Variants in SCFD2 observed in about 807,000 individuals in gnomAD.
SCFD2 encodes the protein sec1 family domain-containing protein 2.
SCFD2 carries 54 observed loss-of-function variants against 58.9 expected under a neutral mutation model. The ratio of observed to expected loss-of-function variants is 0.92; its 90% confidence interval spans 0.74 to 1.15. The LOEUF (loss-of-function observed/expected upper bound fraction) is 1.15, where lower values mean the gene tolerates loss of function less well. Ranked by LOEUF, SCFD2 falls within the 50% of genes most tolerant of loss-of-function variation. The pLI, the probability that SCFD2 is intolerant of heterozygous loss-of-function variation, is 0.00. For synonymous variants in SCFD2, 321 were observed against 335.9 expected, an observed-to-expected ratio of 0.96 and a Z score of 0.49; for missense variants, 805 against 836.6, an observed-to-expected ratio of 0.96 and a Z score of 0.47.
At chr4:53,214,987 G>T (rs1577850973) in intron 4 of SCFD2, among the ~76,000 whole-genome samples, 1 of 151,962 alleles carries the variant, frequency 6.6e-6, no homozygotes, top group Non-Finnish European at 1.5e-5. Context: ...ATTTCTGAGG[G>T]CTCTGTTCTG....
At chr4:53,296,310 TC>T (rs1732029148) in intron 3 of SCFD2, among the ~76,000 whole-genome samples, 1 of 152,226 alleles carries the variant, frequency 6.6e-6, no homozygotes, top group Non-Finnish European at 1.5e-5. Flanking sequence ...TGACTCTATT[TC>T]AGAACTTGTT....
In SCFD2 at chr4:53,247,542, T is replaced by G. The variant is rs1299453801; in HGVS notation, c.1311+26284A>C. On this transcript the variant is annotated intron_variant, in intron 4 of 8. Transcript: ENST00000401642. ...AAGAAAATGTGATACATATACACCATGGAATACTATGCAGCCATAAAAAAT... is the reference window on the plus strand; with the variant it reads ...AAGAAAATGTGATACATATACACCAGGGAATACTATGCAGCCATAAAAAAT... Among the ~76,000 whole-genome samples, 6 of 152,278 alleles carry G rather than the reference T, an allele frequency of 3.9e-5. No homozygotes were observed. In the East Asian group the frequency reaches 1.2e-3, roughly 29 times the overall value.
intron 7 of SCFD2, among the ~76,000 whole-genome samples, chr4:52,903,120 C>T (rs536428794): frequency 2.6e-5 from 4 of 152,154 alleles, no homozygotes; most frequent in African/African-American, 4.8e-5. Context: ...AAAATACACC[C>T]CTTTATTTCT....
intron 5 of SCFD2, among the ~76,000 whole-genome samples, chr4:53,013,737 A>G (rs1315762603): frequency 1.3e-5 from 2 of 152,202 alleles, no homozygotes; most frequent in Non-Finnish European, 2.9e-5. Context: ...CCTCATTTAT[A>G]GATGAGAAAT....
At chr4:53,197,236 A>G (rs1232716665) in intron 4 of SCFD2, among the ~76,000 whole-genome samples, 1 of 152,178 alleles carries the variant, frequency 6.6e-6, no homozygotes, top group Admixed American at 6.6e-5. Flanking sequence ...AGAGTTCTGC[A>G]TTTAAGAGGC....
chr4:53,118,592 G>T (rs918802654), intron 5 of SCFD2, among the ~76,000 whole-genome samples: 4 of 152,130 alleles, frequency 2.6e-5, no homozygotes, highest in Admixed American at 1.3e-4. Flanking sequence ...CAGTAATAAA[G>T]GTAACATATT....
In SCFD2 at chr4:53,016,935, C is replaced by T. The variant is rs879407318; in HGVS notation, c.1562-96065G>A. Among the ~76,000 whole-genome samples the T allele has an allele frequency of 9.2e-5, 14 of 152,104 alleles. 1 individual carries two copies. Among genetic ancestry groups the T allele is most frequent in the Admixed American group, 7.9e-4 (12 of 15,268 alleles). On this transcript the variant is annotated intron_variant, in intron 5 of 8. Transcript: ENST00000401642. ...CATCCTGGCTAACACAGTGAAACCC[C>T]GTTTCTACTAAAAATACAAAAAATT...
intron 5 of SCFD2, among the ~76,000 whole-genome samples, chr4:53,042,184 T>C (rs959527390): frequency 9.9e-5 from 15 of 152,142 alleles, no homozygotes; most frequent in African/African-American, 3.6e-4. Context: ...TTTCTCTCAT[T>C]CTCTATACAC....
intron 3 of SCFD2, among the ~76,000 whole-genome samples, chr4:53,303,528 G>A (rs1732405212): frequency 2.6e-5 from 4 of 152,180 alleles, no homozygotes; most frequent in Admixed American, 2.0e-4. Context: ...TGCAACCATT[G>A]TGGAAGTCAG....
intron 5 of SCFD2, among the ~76,000 whole-genome samples, chr4:53,005,459 T>C (rs1279184267): frequency 6.6e-6 from 1 of 152,150 alleles, no homozygotes; most frequent in Non-Finnish European, 1.5e-5. Flanking sequence ...CCACTTCCAC[T>C]TTTTCATAAG....
intron 2 of SCFD2, among the ~76,000 whole-genome samples, chr4:53,324,929 T>G (rs1038280301): frequency 6.6e-6 from 1 of 152,198 alleles, no homozygotes; most frequent in Non-Finnish European, 1.5e-5. Context: ...ATTAACTATG[T>G]CTTAGTCAAA....
In SCFD2 at chr4:53,100,660, A is replaced by T. The variant is rs564059615; in HGVS notation, c.1561+44673T>A. 2.0e-4 allele frequency among the ~76,000 whole-genome samples: 30 copies of T among 152,316 alleles called. No individual in the cohort carries two copies. The South Asian group carries it at 6.0e-3, about 30-fold the overall frequency. ...TAAAATCTGGAGCAGGAAAGAATGA[A>T]CAGACACATAAGGCTCCCTATGGAA... On this transcript the variant is annotated intron_variant, in intron 5 of 8. Coordinates refer to ENST00000401642, the MANE Select transcript of SCFD2 (RefSeq NM_152540.4).
At chr4:53,177,663 G>A (rs1323345911) in intron 4 of SCFD2, among the ~76,000 whole-genome samples, 2 of 152,180 alleles carry the variant, frequency 1.3e-5, no homozygotes, top group African/African-American at 4.8e-5. Flanking sequence ...CAGACAGTAG[G>A]TGCAGGGCAG....
intron 7 of SCFD2, among the ~76,000 whole-genome samples, chr4:52,906,126 C>A (rs374873966): frequency 2.6e-4 from 40 of 152,260 alleles, no homozygotes; most frequent in African/African-American, 8.9e-4. Flanking sequence ...ACCTACACTG[C>A]AACTCTCCAA....
At chr4:53,279,517 C>T (rs1184912888) in intron 3 of SCFD2, among the ~76,000 whole-genome samples, 1 of 152,122 alleles carries the variant, frequency 6.6e-6, no homozygotes, top group Non-Finnish European at 1.5e-5. Flanking sequence ...ATTTTCAAAA[C>T]TGTTATTAAA....
At chr4:53,364,956 C>G in intron 1 of SCFD2, 148 bp downstream of exon 1, 1 of 922,410 alleles carries the variant, frequency 1.1e-6, no homozygotes, top group African/African-American at 1.7e-5. Flanking sequence ...ACAATAAACT[C>G]TGTGAGATTA....
intron 6 of SCFD2, among the ~76,000 whole-genome samples, chr4:52,912,665 A>T (rs986261453): frequency 6.6e-6 from 1 of 152,220 alleles, no homozygotes; most frequent in Non-Finnish European, 1.5e-5. Context: ...TTTCCAGTTA[A>T]GTTTTAATGA....
At chr4:53,209,352 T>C (rs898599910) in intron 4 of SCFD2, among the ~76,000 whole-genome samples, 8 of 152,078 alleles carry the variant, frequency 5.3e-5, no homozygotes, top group African/African-American at 1.9e-4. Flanking sequence ...TTGGTTAGTA[T>C]TTGTGCTCAA....
chr4:53,219,130 C>T (rs760865094), intron 4 of SCFD2, among the ~76,000 whole-genome samples: 1 of 152,168 alleles, frequency 6.6e-6, no homozygotes, highest in Non-Finnish European at 1.5e-5. Flanking sequence ...AGATCTCAAA[C>T]TCCATGCTGG....
Sources: allele counts gnomAD v4.1 joint callset (sites outside exome capture counted in the v4.1 genomes callset), GRCh38; gene constraint gnomAD v4.1.1; transcripts MANE v1.5; gene names NCBI Gene and HGNC (gene_info 2026-07-23, HGNC 2026-07-21).